LYRM4: variants seen among roughly 807,000 people sequenced by gnomAD.
The protein encoded by LYRM4 is LYR motif containing 4.
LYRM4 carries 9 observed loss-of-function variants against 11.7 expected under a neutral mutation model. The ratio of observed to expected loss-of-function variants is 0.77; its 90% confidence interval spans 0.46 to 1.34. The LOEUF (loss-of-function observed/expected upper bound fraction) is 1.34. Ranked by LOEUF, LYRM4 falls within the 40% of genes most tolerant of loss-of-function variation. The probability of loss-of-function intolerance (pLI) is 0.00; values close to 1 mark genes in which losing one functional copy is unlikely to be tolerated. For missense variants in LYRM4, 133 were observed against 112.5 expected (o/e 1.18, Z -0.82); for synonymous variants, 42 against 40.4 (o/e 1.04, Z -0.15).
the LYRM4 span, among the ~76,000 whole-genome samples, chr6:5,046,626 C>T: frequency 6.6e-6 from 1 of 152,158 alleles, no homozygotes. Context: ...ACACAGGCTC[C>T]CCATATGCTT....
At chr6:5,154,797 C>A (rs555004720) in intron 2 of LYRM4, among the ~76,000 whole-genome samples, 5 of 151,554 alleles carry the variant, frequency 3.3e-5, no homozygotes, top group Admixed American at 1.3e-4. Flanking sequence ...CCAGCCTGGG[C>A]GACAGAGCGA....
chr6:5,161,132 T>G (rs1373737809), intron 2 of LYRM4, among the ~76,000 whole-genome samples: 1 of 152,164 alleles, frequency 6.6e-6, no homozygotes, highest in African/African-American at 2.4e-5. Flanking sequence ...ATTATGAAAA[T>G]ATTCCACCTT....
At chr6:5,083,383 C>T in the LYRM4 span, among the ~76,000 whole-genome samples, 1 of 152,212 alleles carries the variant, frequency 6.6e-6, no homozygotes. Flanking sequence ...CGCCTGGGGC[C>T]TCTTGGAGAT....
At chr6:5,232,675 C>T (rs1763309648) in intron 1 of LYRM4, among the ~76,000 whole-genome samples, 1 of 152,182 alleles carries the variant, frequency 6.6e-6, no homozygotes, top group Non-Finnish European at 1.5e-5. Flanking sequence ...AGTTTACTCT[C>T]CACCACTTGT....
the LYRM4 span, among the ~76,000 whole-genome samples, chr6:5,089,793 A>G: frequency 3.9e-5 from 6 of 152,218 alleles, no homozygotes; most frequent in African/African-American, 4.8e-5. Context: ...TATTTCACCA[A>G]TGTGTGTAGC....
At chr6:5,047,757 G>T in the LYRM4 span, among the ~76,000 whole-genome samples, 2 of 152,112 alleles carry the variant, frequency 1.3e-5, no homozygotes, top group Admixed American at 6.5e-5. Flanking sequence ...AACAATTCAA[G>T]TTGTATTTGG....
intron 2 of LYRM4, among the ~76,000 whole-genome samples, chr6:5,158,473 GT>G (rs3055917): frequency 0.3 from 39,010 of 128,512 alleles, 6,295 homozygotes; most frequent in East Asian, 0.59. Context: ...TGGTCTCCAC[GT>G]TTTTTTTTTT....
At chr6:5,206,313 G>A (rs1372581182) in intron 2 of LYRM4, among the ~76,000 whole-genome samples, 1 of 152,230 alleles carries the variant, frequency 6.6e-6, no homozygotes, top group Non-Finnish European at 1.5e-5. Context: ...AGCCAGTGGG[G>A]GGTGGGAGCA....
chr6:5,234,592 G>C (rs1383096442), intron 1 of LYRM4, among the ~76,000 whole-genome samples: 1 of 152,230 alleles, frequency 6.6e-6, no homozygotes, highest in African/African-American at 2.4e-5. Flanking sequence ...AATTTCACCA[G>C]AGGGAAAGCC....
chr6:5,056,261 GC>G, the LYRM4 span, among the ~76,000 whole-genome samples: 1 of 152,142 alleles, frequency 6.6e-6, no homozygotes, highest in Non-Finnish European at 1.5e-5. Context: ...TATGTTTTCT[GC>G]TTGAAGGATA....
the LYRM4 span, among the ~76,000 whole-genome samples, chr6:5,048,804 T>C: frequency 6.6e-6 from 1 of 152,088 alleles, no homozygotes; most frequent in Non-Finnish European, 1.5e-5. Flanking sequence ...AGGAGAGCAA[T>C]TGCATAAAGA....
intron 2 of LYRM4, among the ~76,000 whole-genome samples, chr6:5,167,682 G>A (rs1759168321): frequency 1.3e-5 from 2 of 152,138 alleles, no homozygotes; most frequent in Admixed American, 1.3e-4. Flanking sequence ...AAACAATGCT[G>A]AGCTCGATGT....
intron 2 of LYRM4, among the ~76,000 whole-genome samples, chr6:5,150,293 C>T (rs753190197): frequency 6.6e-6 from 1 of 152,150 alleles, no homozygotes. Context: ...CATATCTGCC[C>T]TCCTTGCAAT....
chr6:5,237,330 G>A (rs1242032852), intron 1 of LYRM4, among the ~76,000 whole-genome samples: 3 of 151,852 alleles, frequency 2.0e-5, no homozygotes, highest in Non-Finnish European at 2.9e-5. Flanking sequence ...AAGGATCTAG[G>A]TTGTGCACTC....
At chr6:5,047,040 C>G in the LYRM4 span, among the ~76,000 whole-genome samples, 1 of 152,074 alleles carries the variant, frequency 6.6e-6, no homozygotes, top group Non-Finnish European at 1.5e-5. Flanking sequence ...TTCAGTAAGC[C>G]ATGATCATGC....
At chr6:5,218,683 T>G (rs1300549455) in intron 1 of LYRM4, among the ~76,000 whole-genome samples, 1 of 152,148 alleles carries the variant, frequency 6.6e-6, no homozygotes, top group Admixed American at 6.6e-5. Context: ...GCTACAGCGA[T>G]TGGGCATGGA....
At chr6:5,241,249 G>C (rs1002916659) in intron 1 of LYRM4, among the ~76,000 whole-genome samples, 1 of 152,170 alleles carries the variant, frequency 6.6e-6, no homozygotes, top group Non-Finnish European at 1.5e-5. Context: ...ATTTCATAGT[G>C]ACTCTATACT....
the LYRM4 span, among the ~76,000 whole-genome samples, chr6:5,062,406 C>T: frequency 6.6e-6 from 1 of 151,708 alleles, no homozygotes; most frequent in Non-Finnish European, 1.5e-5. Context: ...TCAAGTGATC[C>T]TCCCACCTCA....
At chr6:5,219,705 CTT>C (rs1045831777) in intron 1 of LYRM4, among the ~76,000 whole-genome samples, 1 of 145,016 alleles carries the variant, frequency 6.9e-6, no homozygotes. Context: ...TTATCATTTG[CTT>C]TTTTTTTTTT....
Sources: allele counts gnomAD v4.1 joint callset (sites outside exome capture counted in the v4.1 genomes callset), GRCh38; gene constraint gnomAD v4.1.1; transcripts MANE v1.5; gene names NCBI Gene and HGNC (gene_info 2026-07-23, HGNC 2026-07-21).